Variants in RABGGTA observed in about 807,000 individuals in gnomAD.
RABGGTA encodes Rab geranylgeranyltransferase subunit alpha.
In RABGGTA, 69 loss-of-function variants were observed where a neutral mutation model predicts 83.3. The observed-to-expected ratio is 0.83, with a 90% CI of 0.68 to 1.01. The LOEUF (loss-of-function observed/expected upper bound fraction) is 1.01, where lower values mean the gene tolerates loss of function less well. Ranked by LOEUF, RABGGTA falls within the 50% of genes least tolerant of loss-of-function variation. The pLI, the probability that RABGGTA is intolerant of heterozygous loss-of-function variation, is 0.00. For missense variants in RABGGTA, 681 were observed against 712.7 expected (o/e 0.96, Z 0.51); for synonymous variants, 310 against 299.8 (o/e 1.03, Z -0.35).
intron 3 of RABGGTA, 141 bp from the exon 4 acceptor site, chr14:24,270,599 G>A: frequency 8.2e-7 from 1 of 1,212,616 alleles, no homozygotes; most frequent in Non-Finnish European, 1.2e-6. Context: ...TGGCCTTACA[G>A]GTATTCTCTC....
At chr14:24,265,788 C>T (rs991175450) in intron 16 of RABGGTA, 25 bp from the exon 17 acceptor site, 1 of 1,581,932 alleles carries the variant, frequency 6.3e-7, no homozygotes, top group Admixed American at 1.8e-5. Context: ...TCAAGGAAAG[C>T]TTGGCAGGTT....
rs904984561 is a variant in RABGGTA at position 24,271,171 on chromosome 14, TGAGGA to T, written c.-54-7_-54-3del. On this transcript the variant is annotated splice_polypyrimidine_tract_variant and splice_region_variant and intron_variant, in intron 1 of 16. Coordinates refer to ENST00000216840, the MANE Select transcript of RABGGTA (RefSeq NM_182836.3). The stretch of plus-strand genomic sequence containing the variant: ...GGGTCCAGTGGTAGCCCTTGAAGTC[TGAGGA>T]GAGAAGTGTCAATCACGTAGCCCCG... 52 of 1,500,316 alleles carry T rather than the reference TGAGGA, an allele frequency of 3.5e-5. No homozygotes were observed. The highest frequency in any genetic ancestry group is 2.1e-4 in the East Asian group (9 of 43,428). The allele number at this position is 1,500,316 out of a possible 1,614,324, so 92.9% of individuals were successfully genotyped here.
At chr14:24,269,809 G>T in intron 5 of RABGGTA, 115 bp from the exon 6 acceptor site, 1 of 1,425,154 alleles carries the variant, frequency 7.0e-7, no homozygotes, top group Non-Finnish European at 9.6e-7. Context: ...CTCCACGGAG[G>T]ATGCATTTGG....
At chr14:24,269,929 G>C (rs1479297030) in intron 5 of RABGGTA, 24 bp downstream of exon 5, 4 of 1,609,922 alleles carry the variant, frequency 2.5e-6, no homozygotes, top group Admixed American at 1.7e-5. Context: ...GAGGGCTGTG[G>C]GGACAGAATC....
At chr14:24,266,540 G>A in intron 15 of RABGGTA, 23 bp from the exon 16 acceptor site, 3 of 1,606,760 alleles carry the variant, frequency 1.9e-6, no homozygotes, top group Non-Finnish European at 2.6e-6. Context: ...AGGGCAGGGA[G>A]GCAGGACAGG....
chr14:24,271,117 G>T lies in RABGGTA; in HGVS notation c.-2C>A. On this transcript the variant is annotated 5_prime_UTR_variant, in exon 2 of 17. Coordinates refer to ENST00000216840, the MANE Select transcript of RABGGTA (RefSeq NM_182836.3). ...GGCTGGGCTCAGGGTTCTCACCATGGTGCCGGCTCAGGGTTCAAGACAGGG... is the reference window on the plus strand; with the variant it reads ...GGCTGGGCTCAGGGTTCTCACCATGTTGCCGGCTCAGGGTTCAAGACAGGG... The T allele has an allele frequency of 1.3e-6, 2 of 1,547,820 alleles. No individual in the cohort carries two copies. Among genetic ancestry groups the T allele is most frequent in the Non-Finnish European group, 1.7e-6 (2 of 1,147,566 alleles).
intron 7 of RABGGTA, 36 bp downstream of exon 7, chr14:24,269,044 A>G: frequency 6.3e-7 from 1 of 1,586,876 alleles, no homozygotes; most frequent in African/African-American, 1.3e-5. Context: ...ATTCCTATTA[A>G]GCGCTAAACA....
chr14:24,266,705 G>A, intron 15 of RABGGTA, 71 bp downstream of exon 15: 1 of 1,413,008 alleles, frequency 7.1e-7, no homozygotes, highest in Non-Finnish European at 1.0e-6. Context: ...CTTGTAGGAT[G>A]GGCAGACTTC....
Position 24,268,565 on chromosome 14 carries a change from G to A in RABGGTA, c.955C>T (p.Arg319Cys), listed in dbSNP as rs369745480. The A allele has an allele frequency of 8.7e-6, 14 of 1,613,928 alleles. No homozygotes were observed. Among genetic ancestry groups the A allele is most frequent in the South Asian group, 2.2e-5 (2 of 91,092 alleles). ...LNDQLPQHTF[R>C]VIWTAGDVQK... ...ACATCGCCTGCTGTCCAAATGACGC[G>A]AAATGTATGTTGGGGCAACTGGTCG... The change falls in exon 10 of 17, where the codon CGC (arginine) becomes TGC (cysteine). Residue 319 changes from arginine to cysteine, a missense_variant. Coordinates refer to ENST00000216840, the MANE Select transcript of RABGGTA (RefSeq NM_182836.3).
chr14:24,269,479 G>T lies in RABGGTA; in HGVS notation c.631+12C>A. On this transcript the variant is annotated intron_variant, in intron 6 of 16. Transcript: ENST00000216840. ...CTGCAGAGTCCTCCTGAGCATCCCT[G>T]ACCCTGGTTACCTTTGAGCAGCACA... 6.4e-7 allele frequency: 1 copy of T among 1,555,900 alleles called. No individual in the cohort carries two copies. The highest frequency in any genetic ancestry group is 1.1e-5 in the South Asian group (1 of 89,834).
At chr14:24,271,205 CT>C in intron 1 of RABGGTA, 36 bp from the exon 2 acceptor site, 2 of 1,427,088 alleles carry the variant, frequency 1.4e-6, no homozygotes, top group South Asian at 3.0e-5. Context: ...AGCCCCGCCC[CT>C]ACTAGCTCCG....
intron 14 of RABGGTA, among the ~76,000 whole-genome samples, chr14:24,267,232 G>A (rs865798890): frequency 6.6e-6 from 1 of 152,160 alleles, no homozygotes; most frequent in African/African-American, 2.4e-5. Flanking sequence ...CAGGAATGGA[G>A]GTGGGCTGTG....
In RABGGTA at chr14:24,266,482, C is replaced by T. The variant is rs34973999; in HGVS notation, c.1503G>A (p.Leu501=). ...LQASDNAIES[L]DGVTNLPRLQ... is the part of the protein sequence containing the mutation. ...GCCGGGGTAGGTTGGTGACGCCGTC[C>T]AGGGACTCTATGGCATTATCACTGG... is the stretch of plus-strand genomic sequence containing the variant. The change falls in exon 16 of 17, where the codon CTG becomes CTA. Residue 501 remains leucine, a synonymous_variant. Transcript: ENST00000216840. The T allele has an allele frequency of 7.0e-3, 11,316 of 1,613,936 alleles. 641 individuals are homozygous for T. In the African/African-American group the frequency reaches 0.13, roughly 18 times the overall value.
rs892307299 is a variant in RABGGTA, at chr14:24,270,906, C to T, written c.45G>A (p.Glu15=). Residue 15 remains glutamate (E), a synonymous_variant, in exon 3 of 17, where the codon GAG becomes GAA. Transcript: ENST00000216840. ...TCTGCTCTCGCTCTAGCCTTTTGGC[C>T]TCCGCCTGCTCTTCTGACGTCTTCA... ...LKVKTSEEQA[E]AKRLEREQKL... is the part of the protein sequence containing the mutation. The T allele has an allele frequency of 3.7e-6, 6 of 1,613,910 alleles. No individual in the cohort carries two copies. Among genetic ancestry groups the T allele is most frequent in the Admixed American group, 3.3e-5 (2 of 60,000 alleles).
chr14:24,270,590 G>T, intron 3 of RABGGTA, 132 bp from the exon 4 acceptor site: 1 of 1,232,096 alleles, frequency 8.1e-7, no homozygotes, highest in Non-Finnish European at 1.1e-6. Flanking sequence ...CATGCTTTAT[G>T]GCCTTACAGG....
rs768865832 is a variant in RABGGTA at position 24,265,643 on chromosome 14, A to T, written c.1676T>A (p.Leu559Gln). ...VGILEQLAELLPSVSSVLT is the reference protein window; with the variant it reads ...VGILEQLAELQPSVSSVLT Reference sequence around the variant, plus strand: ...GGTGAGGACGCTGCTAACTGAAGGCAGCAGTTCAGCCAGTTGCTCCAAGAT... The same window carrying T: ...GGTGAGGACGCTGCTAACTGAAGGCTGCAGTTCAGCCAGTTGCTCCAAGAT... The change falls in exon 17 of 17, where the codon CTG becomes CAG. Residue 559 changes from leucine (L) to glutamine (Q), a missense_variant. Around this residue, in one of 5 missense-constraint regions of RABGGTA, gnomAD observed 421 missense variants for 418.5 expected, o/e 1.01. Transcript: ENST00000216840. 4 of 1,613,716 alleles carry T rather than the reference A, an allele frequency of 2.5e-6. No homozygotes were observed.
rs755647894 is a variant in RABGGTA at position 24,268,918 on chromosome 14, G to A, written c.791C>T (p.Pro264Leu). The A allele has an allele frequency of 8.8e-6, 14 of 1,583,528 alleles. No individual in the cohort carries two copies. In the East Asian group the frequency reaches 1.2e-4, roughly 13 times the overall value. The change falls in exon 8 of 17, where the codon CCC becomes CTC. Residue 264 changes from proline to leucine, a missense_variant. Physicochemically the swap from Pro to Leu is moderately conservative, Grantham distance 98 (BLOSUM62 -3). This residue lies in a region of RABGGTA where 421 missense variants were observed against 418.5 expected (regional missense o/e 1.01). Transcript: ENST00000216840. ...EACLTVSFSR[P>L]LLVGSRMEIL... is the part of the protein sequence containing the mutation. ...AAAAGCTGCAGGACTCACTAAGAGG[G>A]GCCGAGAGAAGGAGACAGTCAGACA...
intron 11 of RABGGTA, 59 bp from the exon 12 acceptor site, chr14:24,268,257 A>C: frequency 6.2e-7 from 1 of 1,605,690 alleles, no homozygotes; most frequent in Non-Finnish European, 8.5e-7. Context: ...ACTGGTCAAC[A>C]TTCCCAGTAT....
At chr14:24,265,879 G>A in intron 16 of RABGGTA, 116 bp from the exon 17 acceptor site, 3 of 1,422,880 alleles carry the variant, frequency 2.1e-6, no homozygotes, top group Non-Finnish European at 2.8e-6. Flanking sequence ...CATCTCATAT[G>A]CTCCCTGGAG....
Sources: gnomAD v4.1 joint callset for allele counts (sites outside exome capture counted in the v4.1 genomes callset) on GRCh38, gnomAD v4.1.1 for gene constraint, gnomAD v4.1.1 regional missense constraint, MANE v1.5 for transcripts, NCBI Gene and HGNC (gene_info 2026-07-23, HGNC 2026-07-21) for gene names.